The following SAMSN1 variants were observed in gnomAD, a reference collection of about 807,000 sequenced individuals.
SAMSN1 encodes the protein SAM domain, SH3 domain and nuclear localization signals 1.
SAMSN1 carries 31 observed loss-of-function variants against 42.0 expected under a neutral mutation model. That is an observed-to-expected ratio of 0.74 (90% CI 0.55 to 1.00). SAMSN1 has a LOEUF of 1.00. SAMSN1 is among the 50% of genes least tolerant of loss of function. SAMSN1 has a pLI of 0.00. For missense variants in SAMSN1, 464 were observed against 439.4 expected, an observed-to-expected ratio of 1.06 and a Z score of -0.50; for synonymous variants, 178 against 151.9, an observed-to-expected ratio of 1.17 and a Z score of -1.26.
chr21:14,494,990 C>A (rs935833618), intron 7 of SAMSN1, among the ~76,000 whole-genome samples: 1 of 152,136 alleles, frequency 6.6e-6, no homozygotes, highest in Non-Finnish European at 1.5e-5. Context: ...CAAAGCAAAT[C>A]CTTTTATGTT....
chr21:14,605,715 G>C (rs184923140), intron 5 of SAMSN1, among the ~76,000 whole-genome samples: 7 of 152,072 alleles, frequency 4.6e-5, no homozygotes, highest in African/African-American at 1.7e-4. Context: ...TAATTCAAAT[G>C]GTGGACTAGA....
upstream of SAMSN1, among the ~76,000 whole-genome samples, chr21:14,585,896 A>G (rs2822800): frequency 0.093 from 14,224 of 152,164 alleles, 1,709 homozygotes; most frequent in African/African-American, 0.28. Context: ...TATCCAAGGG[A>G]TGAAATTTAG....
rs540938871 is a variant in SAMSN1, at chr21:14,528,290, T to C, written c.58-7069A>G. ...CTTCTCTAACTAATAAGCCCATAAA[T>C]AAGTACCACTAAAATAAATACTAAA... is the stretch of plus-strand genomic sequence containing the variant. On this transcript the variant is annotated intron_variant, in intron 1 of 7. Transcript: ENST00000400566. Among the ~76,000 whole-genome samples, 9 of 152,276 alleles carry C rather than the reference T, an allele frequency of 5.9e-5. No individual in the cohort carries two copies. In the South Asian group the frequency reaches 1.9e-3, roughly 32 times the overall value.
chr21:14,642,876 C>A (rs759260874), intron 2 of SAMSN1: 2 of 574,608 alleles, frequency 3.5e-6, no homozygotes, highest in Admixed American at 6.0e-5. Flanking sequence ...AAAGCAGAAA[C>A]TAAAGGAAAA....
upstream of SAMSN1, among the ~76,000 whole-genome samples, chr21:14,659,063 A>C (rs981165501): frequency 8.6e-5 from 13 of 152,000 alleles, no homozygotes; most frequent in Non-Finnish European, 1.8e-4. Flanking sequence ...TAAAACCTGC[A>C]GTGAAAATGC....
At chr21:14,534,342 A>G (rs1341429638) in intron 1 of SAMSN1, among the ~76,000 whole-genome samples, 1 of 152,180 alleles carries the variant, frequency 6.6e-6, no homozygotes, top group Non-Finnish European at 1.5e-5. Context: ...TGAATCCTCA[A>G]CAAAAATCCC....
At position 14,485,737 on chromosome 21, in the gene SAMSN1, A is replaced by G. The variant is rs1369623714; in HGVS notation, c.*175T>C. ...AATAATAAATATATATTTTATTGAC[A>G]GTAATTTGGAATGTTAGAGATACAA... On this transcript the variant is annotated 3_prime_UTR_variant, in exon 8 of 8. Transcript: ENST00000400566. 3.8e-6 allele frequency: 2 copies of G among 525,808 alleles called. No homozygotes were observed. The highest frequency in any genetic ancestry group is 3.8e-5 in the African/African-American group (2 of 52,780). 32.6% of individuals were successfully genotyped at this position (525,808 alleles called of 1,614,324 possible). A position where few individuals can be genotyped will look rare whatever the true frequency, so the allele number is the denominator to read the frequency against.
chr21:14,595,289 C>A (rs1982226128), intron 6 of SAMSN1, among the ~76,000 whole-genome samples: 2 of 152,044 alleles, frequency 1.3e-5, no homozygotes, highest in South Asian at 4.1e-4. Context: ...TCATGAGGGC[C>A]CTCATGAATG....
At chr21:14,517,089 A>T (rs910930543) in intron 2 of SAMSN1, 48 bp from the exon 3 acceptor site, 1 of 1,524,736 alleles carries the variant, frequency 6.6e-7, no homozygotes, top group Admixed American at 2.0e-5. Flanking sequence ...GCAATAAAAA[A>T]CATTGATCTG....
chr21:14,509,878 G>T (rs1987601792), intron 5 of SAMSN1, among the ~76,000 whole-genome samples: 1 of 152,164 alleles, frequency 6.6e-6, no homozygotes, highest in African/African-American at 2.4e-5. Context: ...GGTGGCTCAC[G>T]CCTGTAATCC....
At chr21:14,654,789 G>T (rs1240137283) in intron 1 of SAMSN1, among the ~76,000 whole-genome samples, 4 of 151,894 alleles carry the variant, frequency 2.6e-5, no homozygotes, top group Admixed American at 2.0e-4. Context: ...TTTAATTGGG[G>T]CATCAGGAAG....
At chr21:14,605,862 G>C (rs962494725) in intron 5 of SAMSN1, among the ~76,000 whole-genome samples, 1 of 140,324 alleles carries the variant, frequency 7.1e-6, no homozygotes, top group Non-Finnish European at 1.5e-5. Flanking sequence ...ATTTTTTTGA[G>C]ATGGAGTCTC....
rs532411351 is a variant in SAMSN1, at chr21:14,632,898, A to T, written c.156+10104T>A. Among the ~76,000 whole-genome samples the T allele has an allele frequency of 2.0e-5, 3 of 152,296 alleles. No individual in the cohort carries two copies. In the South Asian group the frequency reaches 6.2e-4, roughly 32 times the overall value. ...GACTGAATGCCTTTCCTAGTTCCTT[A>T]TCATGCAGGTCTCTTCCACATGGAA... is the stretch of plus-strand genomic sequence containing the variant. On this transcript the variant is annotated intron_variant, in intron 2 of 15. Coordinates refer to the SAMSN1 transcript ENST00000647101.
intron 1 of SAMSN1, among the ~76,000 whole-genome samples, chr21:14,655,970 T>C (rs1983908432): frequency 6.6e-6 from 1 of 151,754 alleles, no homozygotes; most frequent in African/African-American, 2.4e-5. Context: ...AAATTCACAA[T>C]GGCATCCAAA....
chr21:14,592,646 A>G, intron 7 of SAMSN1: 1 of 385,866 alleles, frequency 2.6e-6, no homozygotes, highest in Non-Finnish European at 5.5e-6. Context: ...GAGCCTTAGA[A>G]AAATATCAAG....
chr21:14,582,514 A>G, intron 1 of SAMSN1: 1 of 814,742 alleles, frequency 1.2e-6, no homozygotes, highest in South Asian at 1.8e-5. Context: ...ATAGGTTAAA[A>G]ACTATGATTA....
At chr21:14,565,299 A>T (rs954047385) in intron 2 of SAMSN1, among the ~76,000 whole-genome samples, 1 of 151,618 alleles carries the variant, frequency 6.6e-6, no homozygotes, top group Non-Finnish European at 1.5e-5. Flanking sequence ...AAAAAAAAAA[A>T]AAAACATGTT....
chr21:14,498,765 T>C (rs535780097), intron 6 of SAMSN1, among the ~76,000 whole-genome samples, 173 bp from the exon 7 acceptor site: 2 of 152,230 alleles, frequency 1.3e-5, no homozygotes, highest in African/African-American at 4.8e-5. Flanking sequence ...GGCTCTTAAA[T>C]GATTATGTTG....
At chr21:14,498,711 T>C in intron 6 of SAMSN1, 119 bp from the exon 7 acceptor site, 1 of 663,582 alleles carries the variant, frequency 1.5e-6, no homozygotes, top group Non-Finnish European at 2.4e-6. Flanking sequence ...AATAGAACTT[T>C]TACTTAACTT....
Sources: gnomAD v4.1 joint callset for allele counts (sites outside exome capture counted in the v4.1 genomes callset) on GRCh38, gnomAD v4.1.1 for gene constraint, MANE v1.5 for transcripts, NCBI Gene and HGNC (gene_info 2026-07-23, HGNC 2026-07-21) for gene names.